Variants in UNC13A observed in about 807,000 individuals in gnomAD.
The protein encoded by UNC13A is unc-13 homolog A.
UNC13A carries 61 observed loss-of-function variants against 219.7 expected under a neutral mutation model. That is an observed-to-expected ratio of 0.28 (90% CI 0.23 to 0.34). The LOEUF (loss-of-function observed/expected upper bound fraction) is 0.34. UNC13A is among the 10% of genes least tolerant of loss of function. UNC13A has a pLI of 1.00. For missense variants in UNC13A, 1,476 were observed against 2,270.3 expected (o/e 0.65, Z 7.11); for synonymous variants, 920 against 884.6 (o/e 1.04, Z -0.71).
chr19:17,611,679 C>T lies in UNC13A; in HGVS notation c.4651+84G>A. On this transcript the variant is annotated intron_variant, in intron 42 of 43. Coordinates refer to ENST00000519716, the MANE Select transcript of UNC13A (RefSeq NM_001080421.3). ...TTCATGGACCATTAAACAACAACAA[C>T]AAAAAAAGGGTGTTGCTTAAGCCAG... 4 of 1,282,026 alleles carry T rather than the reference C, an allele frequency of 3.1e-6. No homozygotes were observed. In the South Asian group the frequency reaches 3.9e-5, roughly 12 times the overall value. 79.4% of individuals were successfully genotyped at this position (1,282,026 alleles called of 1,614,324 possible).
chr19:17,645,006 A>G (rs2077009847), intron 19 of UNC13A, among the ~76,000 whole-genome samples: 2 of 99,322 alleles, frequency 2.0e-5, no homozygotes, highest in African/African-American at 5.0e-5. Context: ...CCCAGCCTGG[A>G]TTCTTTTTTT....
intron 3 of UNC13A, among the ~76,000 whole-genome samples, chr19:17,673,216 G>C (rs1433909425): frequency 6.6e-6 from 1 of 151,786 alleles, no homozygotes; most frequent in Non-Finnish European, 1.5e-5. Context: ...AATTAGCCGG[G>C]CGTGGTGGTG....
intron 43 of UNC13A, among the ~76,000 whole-genome samples, chr19:17,608,392 ATAT>A (rs1263950912): frequency 3.0e-5 from 4 of 135,266 alleles, no homozygotes; most frequent in Admixed American, 8.1e-5. Flanking sequence ...AAATATATAT[ATAT>A]TTATATATAA....
intron 8 of UNC13A, among the ~76,000 whole-genome samples, chr19:17,659,642 G>A (rs970730637): frequency 2.0e-5 from 3 of 151,990 alleles, no homozygotes; most frequent in African/African-American, 7.2e-5. Context: ...GGTGGTGGGC[G>A]CCTGTAGTCC....
chr19:17,620,673 C>T lies in UNC13A; in HGVS notation c.4272+20G>A. The stretch of plus-strand genomic sequence containing the variant: ...GGGAGTGGGATGGGAGCCAGACAGA[C>T]AGTGAGAGGCCGGTCTTACGTCTGA... On this transcript the variant is annotated intron_variant, in intron 38 of 43. Transcript: ENST00000519716. 5 of 1,611,214 alleles carry T rather than the reference C, an allele frequency of 3.1e-6. No individual in the cohort carries two copies. The highest frequency in any genetic ancestry group is 1.1e-5 in the South Asian group (1 of 90,042).
chr19:17,674,622 AG>A lies in UNC13A; in HGVS notation c.152+34del. The stretch of plus-strand genomic sequence containing the variant: ...GGCCAGCGAGGTGCTGGGCTATGCC[AG>A]GGAGTGAGGTCATGCCAGACGCTGC... On this transcript the variant is annotated intron_variant, in intron 3 of 43. Coordinates refer to ENST00000519716, the MANE Select transcript of UNC13A (RefSeq NM_001080421.3). The surrounding 1 kb of genome is among the most constrained non-coding windows in gnomAD (Gnocchi z 5.0). 1 of 1,596,940 alleles carries A rather than the reference AG, an allele frequency of 6.3e-7. No individual in the cohort carries two copies. Among genetic ancestry groups the A allele is most frequent in the Non-Finnish European group, 8.6e-7 (1 of 1,165,612 alleles).
chr19:17,669,696 G>A lies in UNC13A; in HGVS notation c.271-20C>T, dbSNP rs762391582. 16 of 1,597,388 alleles carry A rather than the reference G, an allele frequency of 1.0e-5. No homozygotes were observed. The highest frequency in any genetic ancestry group is 1.3e-5 in the Non-Finnish European group (15 of 1,172,254). ...GCCCTCCTGGGGGTTGGGGGAGGAG[G>A]TGTGTGGGTCAGGAATCTGCTGGTC... On this transcript the variant is annotated intron_variant, in intron 4 of 43. Coordinates refer to ENST00000519716, the MANE Select transcript of UNC13A (RefSeq NM_001080421.3).
At position 17,646,255 on chromosome 19, in the gene UNC13A, G is replaced by A. The variant is rs936451035; in HGVS notation, c.2045-144C>T. On this transcript the variant is annotated intron_variant, in intron 17 of 43. Coordinates refer to ENST00000519716, the MANE Select transcript of UNC13A (RefSeq NM_001080421.3). ...ATGGCAGGGCACGCTGGGCTTGCCA[G>A]AGAGGTTTTTTGTGTGTTTGTTTGT... The A allele has an allele frequency of 2.5e-5, 28 of 1,112,306 alleles. No homozygotes were observed. In the African/African-American group the frequency reaches 4.3e-4, roughly 17 times the overall value. The allele number at this position is 1,112,306 out of a possible 1,614,324, so 68.9% of individuals were successfully genotyped here. A position where few individuals can be genotyped will look rare whatever the true frequency, so the allele number is the denominator to read the frequency against.
At chr19:17,672,678 G>A (rs2079813087) in intron 3 of UNC13A, among the ~76,000 whole-genome samples, 183 bp from the exon 4 acceptor site, 1 of 152,096 alleles carries the variant, frequency 6.6e-6, no homozygotes, top group Admixed American at 6.6e-5. Flanking sequence ...AGGCCAGTGG[G>A]GGAAGTTAAG....
intron 30 of UNC13A, among the ~76,000 whole-genome samples, chr19:17,629,545 T>C (rs556327667): frequency 6.6e-6 from 1 of 152,242 alleles, no homozygotes; most frequent in South Asian, 2.1e-4. Context: ...CAGCTCTTTT[T>C]CAGAGCAACC....
chr19:17,607,302 C>T (rs1293922007), intron 43 of UNC13A, among the ~76,000 whole-genome samples: 1 of 152,154 alleles, frequency 6.6e-6, no homozygotes, highest in Non-Finnish European at 1.5e-5. Flanking sequence ...CCCTCTGTCA[C>T]CCAGGCTGGA....
At chr19:17,683,945 A>G (rs2080065132) in intron 1 of UNC13A, among the ~76,000 whole-genome samples, 1 of 151,926 alleles carries the variant, frequency 6.6e-6, no homozygotes, top group Non-Finnish European at 1.5e-5. Context: ...AAAAGAAAAA[A>G]GTCAGCCGGG....
chr19:17,649,251 A>G lies in UNC13A; in HGVS notation c.1524+88T>C, dbSNP rs1284370063. 3 of 1,532,242 alleles carry G rather than the reference A, an allele frequency of 2.0e-6. No homozygotes were observed. The highest frequency in any genetic ancestry group is 2.4e-5 in the East Asian group (1 of 40,986). 94.9% of individuals were successfully genotyped at this position (1,532,242 alleles called of 1,614,324 possible). On this transcript the variant is annotated intron_variant, in intron 14 of 43. Transcript: ENST00000519716. The surrounding 1 kb of genome is among the most constrained non-coding windows in gnomAD (Gnocchi z 4.4). ...CAGTGGGACATGGCAAGGTTCCCCC[A>G]TAATCCATGAATTGGGGGCCTGTTA...
chr19:17,623,376 C>T, intron 36 of UNC13A, 166 bp downstream of exon 36: 2 of 541,280 alleles, frequency 3.7e-6, no homozygotes, highest in Non-Finnish European at 3.2e-6. Flanking sequence ...CCCGCCCCCT[C>T]CCCATGCCCC....
intron 12 of UNC13A, among the ~76,000 whole-genome samples, chr19:17,651,906 C>T (rs1232660600): frequency 1.3e-5 from 2 of 152,092 alleles, no homozygotes; most frequent in African/African-American, 4.8e-5. Flanking sequence ...CATCCTCTAA[C>T]CTGAAAATCC....
At chr19:17,630,788 T>C in intron 28 of UNC13A, 38 bp from the exon 29 acceptor site, 1 of 1,592,184 alleles carries the variant, frequency 6.3e-7, no homozygotes, top group South Asian at 1.1e-5. Flanking sequence ...TGCCACCTCT[T>C]GTCCTCCTCA....
chr19:17,632,512 A>C (rs924511510), intron 28 of UNC13A, among the ~76,000 whole-genome samples: 10 of 152,214 alleles, frequency 6.6e-5, no homozygotes, highest in African/African-American at 2.4e-4. Context: ...CCTCCGCAAA[A>C]TAGGAATTAA....
rs557580271 is a variant in UNC13A at position 17,603,701 on chromosome 19, G to T, written c.*2353C>A. On this transcript the variant is annotated 3_prime_UTR_variant, in exon 44 of 44. Transcript: ENST00000519716. ...CAAACATACAACACTCAATATCTAG[G>T]ATTTGCACGTGGCCTTCTTAGCAAT... 1 of 152,188 alleles carries T rather than the reference G, an allele frequency of 6.6e-6. No homozygotes were observed. The highest frequency in any genetic ancestry group is 1.9e-4 in the East Asian group (1 of 5,194). 9.4% of individuals were successfully genotyped at this position (152,188 alleles called of 1,614,324 possible). A position where few individuals can be genotyped will look rare whatever the true frequency, so the allele number is the denominator to read the frequency against.
Position 17,688,310 on chromosome 19 carries a change from C to A in UNC13A, c.-111G>T. 1 of 1,331,838 alleles carries A rather than the reference C, an allele frequency of 7.5e-7. No homozygotes were observed. Among genetic ancestry groups the A allele is most frequent in the South Asian group, 2.1e-5 (1 of 48,470 alleles). The allele number at this position is 1,331,838 out of a possible 1,614,324, so 82.5% of individuals were successfully genotyped here. ...GGCTGCAGCCCGCGCTTGGCTCACGCCGGGGCCCGGCCGCCACCGGCCATC... is the reference window on the plus strand; with the variant it reads ...GGCTGCAGCCCGCGCTTGGCTCACGACGGGGCCCGGCCGCCACCGGCCATC... On this transcript the variant is annotated 5_prime_UTR_variant, in exon 1 of 44. Transcript: ENST00000519716.
Sources: gnomAD v4.1 joint callset for allele counts (sites outside exome capture counted in the v4.1 genomes callset) on GRCh38, gnomAD v4.1.1 for gene constraint, Gnocchi (gnomAD v3.1) non-coding constraint, MANE v1.5 for transcripts, NCBI Gene and HGNC (gene_info 2026-07-23, HGNC 2026-07-21) for gene names.